Variants in ZHX3 observed in about 807,000 individuals in gnomAD.
The protein encoded by ZHX3 is zinc fingers and homeoboxes protein 3.
Under a neutral mutation model 64.5 loss-of-function variants are expected in ZHX3, and 20 were observed. That is an observed-to-expected ratio of 0.31 (90% confidence interval 0.22 to 0.45). The LOEUF (loss-of-function observed/expected upper bound fraction) is 0.45, where lower values mean the gene tolerates loss of function less well. Ranked by LOEUF, ZHX3 falls within the 20% of genes least tolerant of loss-of-function variation. ZHX3 has a pLI of 1.00. For synonymous variants in ZHX3, 423 were observed against 461.6 expected (o/e 0.92, Z 1.07); for missense variants, 1,041 against 1,195.8 (o/e 0.87, Z 1.91).
chr20:41,264,845 A>T (rs2042757344), intron 2 of ZHX3, among the ~76,000 whole-genome samples: 1 of 152,172 alleles, frequency 6.6e-6, no homozygotes, highest in Non-Finnish European at 1.5e-5. Context: ...ATTTGTGTCA[A>T]CAGAAATAAA....
Position 41,281,727 on chromosome 20 carries a change from T to C in ZHX3, c.-244-12644A>G, listed in dbSNP as rs1317729231. On this transcript the variant is annotated intron_variant, in intron 1 of 3. Coordinates refer to ENST00000683867, the MANE Select transcript of ZHX3 (RefSeq NM_001384317.1). ...GCGAGCACAACATGAGGTTAATTAG[T>C]CCACAGCCATGTCACATATCACCTT... 2.0e-5 allele frequency among the ~76,000 whole-genome samples: 3 copies of C among 152,164 alleles called. No homozygotes were observed. The East Asian group carries it at 5.8e-4, about 29-fold the overall frequency.
At chr20:41,279,091 C>G (rs2043537096) in intron 1 of ZHX3, among the ~76,000 whole-genome samples, 1 of 152,086 alleles carries the variant, frequency 6.6e-6, no homozygotes, top group Admixed American at 6.6e-5. Context: ...TATTTTATAA[C>G]ATCTTTGTAA....
chr20:41,287,593 T>C (rs1600635455), intron 1 of ZHX3, among the ~76,000 whole-genome samples: 2 of 152,290 alleles, frequency 1.3e-5, no homozygotes, highest in East Asian at 3.9e-4. Context: ...TTCTCTTGGA[T>C]CATGCCCCGA....
At chr20:41,254,255 C>T (rs912176114) in intron 2 of ZHX3, among the ~76,000 whole-genome samples, 13 of 152,192 alleles carry the variant, frequency 8.5e-5, no homozygotes, top group Non-Finnish European at 1.5e-5. Flanking sequence ...TGCTTATTCA[C>T]CCATCAACAC....
chr20:41,314,480 A>G (rs1392875608), intron 1 of ZHX3, among the ~76,000 whole-genome samples: 2 of 152,242 alleles, frequency 1.3e-5, no homozygotes. Flanking sequence ...TTGACACAAA[A>G]ACCCCACTAT....
At chr20:41,221,579 TA>T (rs1343342238) in intron 2 of ZHX3, among the ~76,000 whole-genome samples, 4 of 151,938 alleles carry the variant, frequency 2.6e-5, no homozygotes, top group Non-Finnish European at 4.4e-5. Flanking sequence ...AGAGAGATAA[TA>T]AATAAAATAA....
At chr20:41,208,555 G>A (rs867287903) in intron 2 of ZHX3, among the ~76,000 whole-genome samples, 1 of 152,152 alleles carries the variant, frequency 6.6e-6, no homozygotes, top group South Asian at 2.1e-4. Context: ...ATCAATAAAT[G>A]TAATCCATCA....
intron 3 of ZHX3, among the ~76,000 whole-genome samples, chr20:41,191,479 A>G (rs971580168): frequency 2.0e-5 from 3 of 152,056 alleles, no homozygotes; most frequent in Admixed American, 2.0e-4. Flanking sequence ...AATAATTTGA[A>G]TTCTTTTTCT....
chr20:41,210,261 A>G (rs1008487555), intron 2 of ZHX3, among the ~76,000 whole-genome samples: 6 of 152,256 alleles, frequency 3.9e-5, no homozygotes, highest in African/African-American at 1.4e-4. Flanking sequence ...ACTGTAAACT[A>G]GTTCAACCAT....
At chr20:41,244,960 A>C (rs2041603313) in intron 2 of ZHX3, among the ~76,000 whole-genome samples, 1 of 152,164 alleles carries the variant, frequency 6.6e-6, no homozygotes, top group African/African-American at 2.4e-5. Context: ...AAAAGAAGGG[A>C]GTAGAGATGA....
Position 41,204,314 on chromosome 20 carries a change from T to C in ZHX3, c.603A>G (p.Thr201=), listed in dbSNP as rs1297617711. ...GCTGGCTAGGGACATTCTCCTTGAG[T>C]GTATGAATTTTTTTGGCTTCAGCTT... is the stretch of plus-strand genomic sequence containing the variant. The part of the protein sequence containing the change: ...KGKAEAKKIH[T]LKENVPSQPV... The change falls in exon 3 of 4, where the codon ACA becomes ACG. Residue 201 remains threonine (T), a synonymous_variant. Transcript: ENST00000683867. The surrounding 1 kb of genome is among the most constrained non-coding windows in gnomAD (Gnocchi z 6.6). The C allele has an allele frequency of 6.2e-7, 1 of 1,614,138 alleles. No individual in the cohort carries two copies. Among genetic ancestry groups the C allele is most frequent in the Non-Finnish European group, 8.5e-7 (1 of 1,180,012 alleles).
intron 2 of ZHX3, among the ~76,000 whole-genome samples, chr20:41,215,536 T>C (rs899807314): frequency 2.0e-5 from 3 of 152,102 alleles, no homozygotes; most frequent in African/African-American, 7.2e-5. Flanking sequence ...AAGAATTCAA[T>C]GAAGGAATTC....
chr20:41,243,181 T>C (rs184580609), intron 2 of ZHX3, among the ~76,000 whole-genome samples: 3 of 152,320 alleles, frequency 2.0e-5, no homozygotes, highest in Admixed American at 1.3e-4. Flanking sequence ...GGGATTTCCC[T>C]TTGCTTCCAT....
chr20:41,251,892 T>C (rs1225258183), intron 2 of ZHX3, among the ~76,000 whole-genome samples: 1 of 152,148 alleles, frequency 6.6e-6, no homozygotes, highest in African/African-American at 2.4e-5. Flanking sequence ...TCTAAATTAA[T>C]ACCTAAAAGG....
At position 41,201,871 on chromosome 20, in the gene ZHX3, G is replaced by A. The variant is rs148701094; in HGVS notation, c.2860+186C>T. Among the ~76,000 whole-genome samples the A allele has an allele frequency of 2.6e-5, 4 of 152,262 alleles. No homozygotes were observed. Among genetic ancestry groups the A allele is most frequent in the East Asian group, 1.9e-4 (1 of 5,188 alleles). On this transcript the variant is annotated intron_variant, in intron 3 of 3. Transcript: ENST00000683867. This position sits in a 1 kb window ranked among gnomAD's most constrained non-coding sequence, Gnocchi z 5.0. ...ATGAAACAAAAAACAGCTCTCAACC[G>A]TTTATCATATTATATTCCTATGGCT...
chr20:41,203,841 T>C lies in ZHX3; in HGVS notation c.1076A>G (p.Gln359Arg), dbSNP rs1407351525. The change falls in exon 3 of 4, where the codon CAG becomes CGG. Residue 359 changes from glutamine (Q) to arginine (R), a missense_variant. By Grantham distance (43) the Gln-to-Arg change is conservative. Coordinates refer to ENST00000683867, the MANE Select transcript of ZHX3 (RefSeq NM_001384317.1). This position sits in a 1 kb window ranked among gnomAD's most constrained non-coding sequence, Gnocchi z 7.1. ...KIWFTAQRLKQGISWSPEEIE... is the reference protein window; with the variant it reads ...KIWFTAQRLKRGISWSPEEIE... ...CTCCTCAGGGGACCAGCTGATCCCC[T>C]GCTTCAGCCTTTGGGCTGTGAACCA... The C allele has an allele frequency of 6.2e-7, 1 of 1,614,144 alleles. No individual in the cohort carries two copies. Among genetic ancestry groups the C allele is most frequent in the Non-Finnish European group, 8.5e-7 (1 of 1,180,050 alleles).
At position 41,201,239 on chromosome 20, in the gene ZHX3, C is replaced by A; in HGVS notation, c.2860+818G>T. ...GCTAGCAATGCTGCCATTTTGGAAC[C>A]CCCAATCCCTTCAGCTTCTACAATA... On this transcript the variant is annotated intron_variant, in intron 3 of 3. Coordinates refer to ENST00000683867, the MANE Select transcript of ZHX3 (RefSeq NM_001384317.1). The surrounding 1 kb of genome is among the most constrained non-coding windows in gnomAD (Gnocchi z 5.0). 2 of 1,246,936 alleles carry A rather than the reference C, an allele frequency of 1.6e-6. No individual in the cohort carries two copies. The highest frequency in any genetic ancestry group is 1.6e-5 in the African/African-American group (1 of 64,004). 77.2% of individuals were successfully genotyped at this position (1,246,936 alleles called of 1,614,324 possible). A position where few individuals can be genotyped will look rare whatever the true frequency, so the allele number is the denominator to read the frequency against.
chr20:41,296,823 G>A (rs781249774), intron 1 of ZHX3, among the ~76,000 whole-genome samples: 17 of 152,304 alleles, frequency 1.1e-4, no homozygotes, highest in Admixed American at 4.6e-4. Flanking sequence ...TACTTGTGGC[G>A]TATGCATCCC....
chr20:41,202,767 A>G lies in ZHX3; in HGVS notation c.2150T>C (p.Leu717Ser), dbSNP rs149945568. The G allele has an allele frequency of 6.0e-4, 968 of 1,614,002 alleles. No homozygotes were observed. Among genetic ancestry groups the G allele is most frequent in the Non-Finnish European group, 7.7e-4 (914 of 1,180,030 alleles). Residue 717 changes from leucine to serine, a missense_variant, in exon 3 of 4, where the codon TTG becomes TCG. Coordinates refer to ENST00000683867, the MANE Select transcript of ZHX3 (RefSeq NM_001384317.1). The surrounding 1 kb of genome is among the most constrained non-coding windows in gnomAD (Gnocchi z 7.0). ...AATGGGGCTGACTTTGCGCTCTGCC[A>G]AGATATGGCTGCTGGGCATTTCCAG... ...GSLEMPSSHILAERKVSPIKI... is the reference protein window; with the variant it reads ...GSLEMPSSHISAERKVSPIKI...
Sources: gnomAD v4.1 joint callset for allele counts (sites outside exome capture counted in the v4.1 genomes callset) on GRCh38, gnomAD v4.1.1 for gene constraint, Gnocchi (gnomAD v3.1) non-coding constraint, MANE v1.5 for transcripts, NCBI Gene and HGNC (gene_info 2026-07-23, HGNC 2026-07-21) for gene names.